Variants in IFFO1 observed in about 807,000 individuals in gnomAD.
IFFO1 encodes intermediate filament family orphan 1, also known as non-homologous end joining factor IFFO1.
A neutral mutation model predicts 59.6 loss-of-function variants in IFFO1; 42 were observed. The ratio of observed to expected loss-of-function variants is 0.70; its 90% CI spans 0.55 to 0.91. The LOEUF (loss-of-function observed/expected upper bound fraction) is 0.91. IFFO1 is among the 40% of genes least tolerant of loss of function. The pLI is 0.00. For missense variants in IFFO1, 711 were observed against 793.2 expected, an observed-to-expected ratio of 0.90 and a Z score of 1.24; for synonymous variants, 336 against 342.8, an observed-to-expected ratio of 0.98 and a Z score of 0.22.
At chr12:6,554,736 C>G (rs1438939280) in intron 1 of IFFO1, among the ~76,000 whole-genome samples, 1 of 152,226 alleles carries the variant, frequency 6.6e-6, no homozygotes, top group African/African-American at 2.4e-5. Context: ...GGTCCCGGAG[C>G]TTTTCCTATG....
chr12:6,550,738 T>C lies in IFFO1; in HGVS notation c.887A>G (p.Gln296Arg). Residue 296 changes from glutamine to arginine, a missense_variant, in exon 3 of 10, where the codon CAG (glutamine) becomes CGG (arginine). Gln to Arg is a conservative substitution (Grantham distance 43, BLOSUM62 1). Around this residue, in one of 3 missense-constraint regions of IFFO1, gnomAD observed 579 missense variants for 650.3 expected, o/e 0.89. Coordinates refer to ENST00000619571, the MANE Select transcript of IFFO1 (RefSeq NM_001193457.2). Reference sequence around the variant, plus strand: ...GAAGACCACCAGCTCAGCCTTCAACTGTTCCACCTTCAGTGCCAGCTCCTC... The same window carrying C: ...GAAGACCACCAGCTCAGCCTTCAACCGTTCCACCTTCAGTGCCAGCTCCTC... ...CQEELALKVE[Q>R]LKAELVVFKG... The C allele has an allele frequency of 1.2e-6, 2 of 1,614,222 alleles. No individual in the cohort carries two copies. Among genetic ancestry groups the C allele is most frequent in the Non-Finnish European group, 1.7e-6 (2 of 1,180,022 alleles).
intron 1 of IFFO1, among the ~76,000 whole-genome samples, chr12:6,553,353 ACAG>A (rs1396051265): frequency 6.6e-6 from 1 of 152,212 alleles, no homozygotes; most frequent in Non-Finnish European, 1.5e-5. Flanking sequence ...GCTCCTGAGA[ACAG>A]CAGTTGTTCC....
In IFFO1 at chr12:6,543,515, T is replaced by A. The variant is rs536314051; in HGVS notation, c.1480-1873A>T. 183 of 154,426 alleles carry A rather than the reference T, an allele frequency of 1.2e-3. 2 individuals carry two copies. Among genetic ancestry groups the A allele is most frequent in the Non-Finnish European group, 1.8e-3 (127 of 69,736 alleles). The allele number at this position is 154,426 out of a possible 1,614,324, so 9.6% of individuals were successfully genotyped here. On this transcript the variant is annotated intron_variant, in intron 8 of 9. Coordinates refer to ENST00000619571, the MANE Select transcript of IFFO1 (RefSeq NM_001193457.2). Reference sequence around the variant, plus strand: ...GCGAGGGATCTAGGCTGTGTGCTCCTTATGAGAATCTAATGCCTGATGATC... The same window carrying A: ...GCGAGGGATCTAGGCTGTGTGCTCCATATGAGAATCTAATGCCTGATGATC...
In IFFO1 at chr12:6,541,629, G is replaced by A. The variant is rs139961528; in HGVS notation, c.1493C>T (p.Thr498Met). Reference sequence around the variant, plus strand: ...GTGCCGGTTCATGTCGTTCTTGGCCGTGGCCAACTCCAGCTGTGGTGGGGC... The same window carrying A: ...GTGCCGGTTCATGTCGTTCTTGGCCATGGCCAACTCCAGCTGTGGTGGGGC... ...TIDQIELELA[T>M]AKNDMNRHLH... Residue 498 changes from threonine (T) to methionine (M), a missense_variant, in exon 9 of 10, where the codon ACG becomes ATG. By Grantham distance (81) the Thr-to-Met change is moderately conservative. Around this residue, in one of 3 missense-constraint regions of IFFO1, gnomAD observed 579 missense variants for 650.3 expected, o/e 0.89. Transcript: ENST00000619571. The surrounding 1 kb of genome is among the most constrained non-coding windows in gnomAD (Gnocchi z 4.8). The A allele has an allele frequency of 9.3e-6, 15 of 1,613,886 alleles. No individual in the cohort carries two copies. Among genetic ancestry groups the A allele is most frequent in the South Asian group, 2.2e-5 (2 of 91,092 alleles).
At position 6,541,452 on chromosome 12, in the gene IFFO1, T is replaced by TC. The variant is rs557025896; in HGVS notation, c.1610+59dup. On this transcript the variant is annotated intron_variant, in intron 9 of 9. Transcript: ENST00000619571. This position sits in a 1 kb window ranked among gnomAD's most constrained non-coding sequence, Gnocchi z 4.8. ...TGCCTGAGGGTCTCTGGGGCTGTGT[T>TC]CCAACCTTTCTCCCCGCTGTGTCCC... 1,231 of 1,600,524 alleles carry TC rather than the reference T, an allele frequency of 7.7e-4. 2 individuals are homozygous for TC. Among genetic ancestry groups the TC allele is most frequent in the Non-Finnish European group, 1.0e-3 (1,172 of 1,176,290 alleles).
Position 6,549,554 on chromosome 12 carries a change from AAGGG to A in IFFO1, c.1072-74_1072-71del. 1 of 1,395,806 alleles carries A rather than the reference AAGGG, an allele frequency of 7.2e-7. No individual in the cohort carries two copies. The highest frequency in any genetic ancestry group is 1.2e-5 in the South Asian group (1 of 86,290). 86.5% of individuals were successfully genotyped at this position (1,395,806 alleles called of 1,614,324 possible). On this transcript the variant is annotated intron_variant, in intron 4 of 9. Coordinates refer to ENST00000619571, the MANE Select transcript of IFFO1 (RefSeq NM_001193457.2). This position sits in a 1 kb window ranked among gnomAD's most constrained non-coding sequence, Gnocchi z 5.0. ...AAGCAGACAGAGGAGAGAGAGGGGG[AAGGG>A]AGAGACGGCGTTAGAGACAGCTTCC...
Position 6,550,758 on chromosome 12 carries a change from C to T in IFFO1, c.867G>A (p.Glu289=), listed in dbSNP as rs1282528831. Residue 289 remains glutamate (E), a synonymous_variant, in exon 3 of 10, where the codon GAG becomes GAA. Coordinates refer to ENST00000619571, the MANE Select transcript of IFFO1 (RefSeq NM_001193457.2). ...EAQEADACQE[E]LALKVEQLKA... ...TCAACTGTTCCACCTTCAGTGCCAG[C>T]TCCTCCTGGCAGGCATCAGCCTCCT... is the stretch of plus-strand genomic sequence containing the variant. 1 of 1,614,192 alleles carries T rather than the reference C, an allele frequency of 6.2e-7. No individual in the cohort carries two copies. Among genetic ancestry groups the T allele is most frequent in the Admixed American group, 1.7e-5 (1 of 60,034 alleles).
In IFFO1 at chr12:6,540,395, A is replaced by G. The variant is rs1177454466; in HGVS notation, c.*88T>C. 1.9e-6 allele frequency: 2 copies of G among 1,073,712 alleles called. No homozygotes were observed. Among genetic ancestry groups the G allele is most frequent in the African/African-American group, 1.5e-5 (1 of 64,686 alleles). The allele number at this position is 1,073,712 out of a possible 1,614,324, so 66.5% of individuals were successfully genotyped here. ...AGGGACCGGCCTGGTGCAGAGCTGC[A>G]GCTGATGTTCCCCTCTGTGCAGCCC... On this transcript the variant is annotated 3_prime_UTR_variant, in exon 10 of 10. Coordinates refer to ENST00000619571, the MANE Select transcript of IFFO1 (RefSeq NM_001193457.2).
Position 6,541,469 on chromosome 12 carries a change from C to A in IFFO1, c.1610+43G>T. 1.3e-5 allele frequency: 21 copies of A among 1,608,414 alleles called. No individual in the cohort carries two copies. The highest frequency in any genetic ancestry group is 1.8e-5 in the Non-Finnish European group (21 of 1,179,176). On this transcript the variant is annotated intron_variant, in intron 9 of 9. Coordinates refer to ENST00000619571, the MANE Select transcript of IFFO1 (RefSeq NM_001193457.2). The surrounding 1 kb of genome is among the most constrained non-coding windows in gnomAD (Gnocchi z 4.8). Reference sequence around the variant, plus strand: ...GGCTGTGTTCCAACCTTTCTCCCCGCTGTGTCCCCCTGGAAGGCCCCATGC... The same window carrying A: ...GGCTGTGTTCCAACCTTTCTCCCCGATGTGTCCCCCTGGAAGGCCCCATGC...
rs780797489 is a variant in IFFO1, at chr12:6,548,802, C to A, written c.1128G>T (p.Lys376Asn). ...PIKVPSMGGR[K>N]RERKAAVEED... ...CCTCGACGGCAGCCTTGCGCTCCCG[C>A]TTCCGCCCCCCCATGGATGGGACCT... The change falls in exon 6 of 10, where the codon AAG becomes AAT. Residue 376 changes from lysine to asparagine, a missense_variant. This residue lies in a region of IFFO1 where 579 missense variants were observed against 650.3 expected (regional missense o/e 0.89). Coordinates refer to ENST00000619571, the MANE Select transcript of IFFO1 (RefSeq NM_001193457.2). This position sits in a 1 kb window ranked among gnomAD's most constrained non-coding sequence, Gnocchi z 6.1. 2 of 1,613,532 alleles carry A rather than the reference C, an allele frequency of 1.2e-6. No individual in the cohort carries two copies. The highest frequency in any genetic ancestry group is 1.3e-5 in the African/African-American group (1 of 75,032).
At position 6,549,664 on chromosome 12, in the gene IFFO1, C is replaced by A; in HGVS notation, c.1071+92G>T. 1 of 1,525,514 alleles carries A rather than the reference C, an allele frequency of 6.6e-7. No homozygotes were observed. The highest frequency in any genetic ancestry group is 2.3e-5 in the East Asian group (1 of 44,020). The allele number at this position is 1,525,514 out of a possible 1,614,324, so 94.5% of individuals were successfully genotyped here. On this transcript the variant is annotated intron_variant, in intron 4 of 9. Coordinates refer to ENST00000619571, the MANE Select transcript of IFFO1 (RefSeq NM_001193457.2). This position sits in a 1 kb window ranked among gnomAD's most constrained non-coding sequence, Gnocchi z 5.0. ...CAGTTGCCAGGTAAGGCTCCCCAAGCAGGAGGCAGGGCCTGCGTTCCAGGC... is the reference window on the plus strand; with the variant it reads ...CAGTTGCCAGGTAAGGCTCCCCAAGAAGGAGGCAGGGCCTGCGTTCCAGGC...
intron 8 of IFFO1, among the ~76,000 whole-genome samples, chr12:6,544,572 T>C (rs1267662588): frequency 6.6e-6 from 1 of 152,190 alleles, no homozygotes; most frequent in Admixed American, 6.5e-5. Context: ...TAGGGAGAGA[T>C]GGCAGCCCGA....
rs1003786496 is a variant in IFFO1, at chr12:6,539,595, C to T, written c.*888G>A. ...CATTTGAATGTCAGCTCAACACAGC[C>T]TCCTATACCGAGGCATTGTGAACCG... On this transcript the variant is annotated 3_prime_UTR_variant, in exon 10 of 10. Transcript: ENST00000619571. 3.3e-5 allele frequency: 5 copies of T among 152,268 alleles called. No homozygotes were observed. Among genetic ancestry groups the T allele is most frequent in the Non-Finnish European group, 7.3e-5 (5 of 68,074 alleles). The allele number at this position is 152,268 out of a possible 1,614,324, so 9.4% of individuals were successfully genotyped here. A position where few individuals can be genotyped will look rare whatever the true frequency, so the allele number is the denominator to read the frequency against.
rs1206338842 is a variant in IFFO1 at position 6,539,998 on chromosome 12, G to A, written c.*485C>T. ...CCCCAACGCCCTCTGCCGCTGACAG[G>A]GACAGAAGCCCTCTCCAGCTGCGTG... On this transcript the variant is annotated 3_prime_UTR_variant, in exon 10 of 10. Transcript: ENST00000619571. 2.2e-5 allele frequency: 4 copies of A among 180,638 alleles called. No homozygotes were observed. The highest frequency in any genetic ancestry group is 4.8e-5 in the Non-Finnish European group (4 of 83,584). 11.2% of individuals were successfully genotyped at this position (180,638 alleles called of 1,614,324 possible).
In IFFO1 at chr12:6,548,644, C is replaced by T. The variant is rs184800110; in HGVS notation, c.1262+24G>A. 2.1e-4 allele frequency: 341 copies of T among 1,613,954 alleles called. No homozygotes were observed. The African/African-American group carries it at 3.7e-3, about 17-fold the overall frequency. On this transcript the variant is annotated intron_variant, in intron 6 of 9. Transcript: ENST00000619571. This position sits in a 1 kb window ranked among gnomAD's most constrained non-coding sequence, Gnocchi z 6.1. ...CTGGGCTGCTGTGGCGTCGGTGCTG[C>T]GGGAGCACGGCCTGCGGACTCACAG... is the stretch of plus-strand genomic sequence containing the variant.
In IFFO1 at chr12:6,548,990, C is replaced by T. The variant is rs911552246; in HGVS notation, c.1081-141G>A. 3.6e-5 allele frequency: 26 copies of T among 715,038 alleles called. No homozygotes were observed. The highest frequency in any genetic ancestry group is 5.3e-5 in the Non-Finnish European group (23 of 434,324). 44.3% of individuals were successfully genotyped at this position (715,038 alleles called of 1,614,324 possible). A position where few individuals can be genotyped will look rare whatever the true frequency, so the allele number is the denominator to read the frequency against. On this transcript the variant is annotated intron_variant, in intron 5 of 9. Coordinates refer to ENST00000619571, the MANE Select transcript of IFFO1 (RefSeq NM_001193457.2). The surrounding 1 kb of genome is among the most constrained non-coding windows in gnomAD (Gnocchi z 6.1). ...AAAGTCACAGTTACAATGACAGGAACAGAAACACGGACAGTCACCAAGGGC... is the reference window on the plus strand; with the variant it reads ...AAAGTCACAGTTACAATGACAGGAATAGAAACACGGACAGTCACCAAGGGC...
At chr12:6,550,607 G>GAGGCCAAC (rs1947187581) in intron 3 of IFFO1, 88 bp downstream of exon 3, 3 of 944,366 alleles carry the variant, frequency 3.2e-6, no homozygotes, top group East Asian at 5.2e-5. Context: ...CCGTGGACGG[G>GAGGCCAAC]AGGCCAACAG....
In IFFO1 at chr12:6,556,013, C is replaced by A; in HGVS notation, c.17G>T (p.Gly6Val). 5 of 1,580,624 alleles carry A rather than the reference C, an allele frequency of 3.2e-6. No individual in the cohort carries two copies. Among genetic ancestry groups the A allele is most frequent in the Non-Finnish European group, 4.3e-6 (5 of 1,171,258 alleles). Residue 6 changes from glycine (G) to valine (V), a missense_variant, in exon 1 of 10, where the codon GGC becomes GTC. Physicochemically the swap from Gly to Val is moderately radical, Grantham distance 109. Transcript: ENST00000619571. ...CTGCTGCAGGAGGAAGAGGTTGGGG[C>A]CGAATAACGGATTCATGGCTGCGCC... Reference protein sequence around the residue: MNPLFGPNLFLLQQEQ... With the variant: MNPLFVPNLFLLQQEQ...
Position 6,539,701 on chromosome 12 carries a change from G to A in IFFO1, c.*782C>T, listed in dbSNP as rs982619281. ...GTCTCAGTGTATGACAGACACGGAG[G>A]AAGCACATCTTTAGCTGATACTTAA... On this transcript the variant is annotated 3_prime_UTR_variant, in exon 10 of 10. Transcript: ENST00000619571. 1 of 152,248 alleles carries A rather than the reference G, an allele frequency of 6.6e-6. No individual in the cohort carries two copies. Among genetic ancestry groups the A allele is most frequent in the Non-Finnish European group, 1.5e-5 (1 of 68,068 alleles). 9.4% of individuals were successfully genotyped at this position (152,248 alleles called of 1,614,324 possible).
Sources: allele counts gnomAD v4.1 joint callset (sites outside exome capture counted in the v4.1 genomes callset), GRCh38; gene constraint gnomAD v4.1.1; regional missense constraint gnomAD v4.1.1; non-coding constraint Gnocchi (gnomAD v3.1); transcripts MANE v1.5; gene names NCBI Gene and HGNC (gene_info 2026-07-23, HGNC 2026-07-21).